Variants in CUL4B observed in about 807,000 individuals in gnomAD.
The protein encoded by CUL4B is cullin-4B.
A neutral mutation model predicts 69.2 loss-of-function variants in CUL4B; 1 was observed. The observed-to-expected ratio is 0.01, with a 90% CI of 0.01 to 0.07. The LOEUF (loss-of-function observed/expected upper bound fraction) is 0.07, where lower values mean the gene tolerates loss of function less well. Ranked by LOEUF, CUL4B falls within the 10% of genes least tolerant of loss-of-function variation. CUL4B has a pLI of 1.00. For missense variants in CUL4B, 328 were observed against 638.8 expected (o/e 0.51, Z 5.24); for synonymous variants, 237 against 223.2 (o/e 1.06, Z -0.55).
intron 18 of CUL4B, among the ~76,000 whole-genome samples, chrX:120,531,401 G>A (rs1265659250): frequency 2.8e-5 from 3 of 108,540 alleles, no homozygotes; most frequent in Non-Finnish European, 1.9e-5. Flanking sequence ...TGCTGCAGTT[G>A]GAAGTCTCTT....
chrX:120,552,877 T>C (rs1215746285), intron 2 of CUL4B, among the ~76,000 whole-genome samples: 5 of 111,739 alleles, frequency 4.5e-5, no homozygotes, highest in Non-Finnish European at 9.4e-5. Flanking sequence ...ACAACTGATA[T>C]AGCAATAAGA....
At chrX:120,563,711 AACTG>A (rs1925410485), upstream of CUL4B, among the ~76,000 whole-genome samples, 2 of 112,393 alleles carry the variant, frequency 1.8e-5, no homozygotes, top group South Asian at 7.3e-4. Flanking sequence ...AGGGAGGATT[AACTG>A]ACTCATTTTC....
At chrX:120,540,246 C>T in intron 11 of CUL4B, 124 bp downstream of exon 11, 1 of 611,456 alleles carries the variant, frequency 1.6e-6, no homozygotes, top group Non-Finnish European at 2.7e-6. Flanking sequence ...ACTTGATATA[C>T]CAGCTAAGCA....
chrX:120,544,215 A>C lies in CUL4B; in HGVS notation c.1084-12T>G. 9.0e-7 allele frequency: 1 copy of C among 1,109,675 alleles called. No individual in the cohort carries two copies. The highest frequency in any genetic ancestry group is 3.0e-5 in the East Asian group (1 of 33,396). 91.4% of individuals were successfully genotyped at this position (1,109,675 alleles called of 1,213,427 possible). ...GAATCTTGATAAATCTGGAGGGGGAACAAAATGAAGGAGATCATTTATTTA... is the reference window on the plus strand; with the variant it reads ...GAATCTTGATAAATCTGGAGGGGGACCAAAATGAAGGAGATCATTTATTTA... On this transcript the variant is annotated splice_polypyrimidine_tract_variant and intron_variant, in intron 6 of 19. Coordinates refer to ENST00000371322, the MANE Select transcript of CUL4B (RefSeq NM_001079872.2).
intron 16 of CUL4B, among the ~76,000 whole-genome samples, chrX:120,535,038 G>T (rs1334922731): frequency 9.0e-6 from 1 of 111,592 alleles, no homozygotes; most frequent in African/African-American, 3.3e-5. Flanking sequence ...GTCAAGAAGT[G>T]GCAGTGTTAG....
At chrX:120,549,826 C>T (rs1924579665) in intron 2 of CUL4B, among the ~76,000 whole-genome samples, 1 of 111,921 alleles carries the variant, frequency 8.9e-6, no homozygotes, top group Admixed American at 9.5e-5. Context: ...GTATTCCTCT[C>T]ATTGTATCTC....
intron 11 of CUL4B, among the ~76,000 whole-genome samples, chrX:120,539,820 T>C (rs1054440864): frequency 5.4e-5 from 6 of 112,133 alleles, no homozygotes; most frequent in Middle Eastern, 4.6e-3. Context: ...TAAAATTTGC[T>C]ACATGTTTAC....
chrX:120,534,718 T>C (rs758790484), intron 16 of CUL4B, 132 bp from the exon 17 acceptor site: 12 of 502,790 alleles, frequency 2.4e-5, no homozygotes, highest in East Asian at 3.7e-5. Flanking sequence ...GCAAAGCCAC[T>C]TGACGTGGTA....
upstream of CUL4B, among the ~76,000 whole-genome samples, chrX:120,562,905 A>G (rs1161253528): frequency 8.9e-6 from 1 of 112,082 alleles, no homozygotes; most frequent in Non-Finnish European, 1.9e-5. Flanking sequence ...CAGCAAGCAG[A>G]GCTTTTACAA....
At chrX:120,540,872 C>T in intron 10 of CUL4B, among the ~76,000 whole-genome samples, 1 of 112,069 alleles carries the variant, frequency 8.9e-6, no homozygotes, top group Middle Eastern at 4.6e-3. Context: ...AACCACTCAT[C>T]TATAATCACA....
chrX:120,555,941 C>CA (rs752944156), intron 2 of CUL4B, among the ~76,000 whole-genome samples: 3,779 of 41,750 alleles, frequency 0.091, 148 homozygotes, highest in Non-Finnish European at 0.11. Context: ...GACTCCATCT[C>CA]AAAAAAAAAA....
chrX:120,558,406 G>A (rs1398918641), intron 1 of CUL4B, among the ~76,000 whole-genome samples: 1 of 111,811 alleles, frequency 8.9e-6, no homozygotes, highest in Non-Finnish European at 1.9e-5. Context: ...TTAAAGTACT[G>A]TCTATGTGCA....
chrX:120,526,939 AC>A, intron 19 of CUL4B, 83 bp from the exon 20 acceptor site: 1 of 518,314 alleles, frequency 1.9e-6, no homozygotes. Flanking sequence ...TAAAAAGACA[AC>A]AGTTTCGGCT....
At chrX:120,563,304 G>A (rs1925395024), upstream of CUL4B, among the ~76,000 whole-genome samples, 2 of 112,076 alleles carry the variant, frequency 1.8e-5, no homozygotes, top group African/African-American at 6.5e-5. Flanking sequence ...TGTAATCTTG[G>A]CTCACTGCAA....
At chrX:120,529,123 C>G (rs1217897357) in intron 19 of CUL4B, among the ~76,000 whole-genome samples, 1 of 111,544 alleles carries the variant, frequency 9.0e-6, no homozygotes, top group African/African-American at 3.3e-5. Flanking sequence ...ATATTAACTA[C>G]AGCGATCCCC....
chrX:120,568,349 C>A (rs1204091401), downstream of CUL4B, among the ~76,000 whole-genome samples: 1 of 111,707 alleles, frequency 9.0e-6, no homozygotes, highest in Non-Finnish European at 1.9e-5. Context: ...ATCTAAGCTG[C>A]CAAAATCATA....
chrX:120,560,751 G>A lies in CUL4B; in HGVS notation c.-113C>T. 1 of 901,317 alleles carries A rather than the reference G, an allele frequency of 1.1e-6. No homozygotes were observed. The highest frequency in any genetic ancestry group is 1.4e-6 in the Non-Finnish European group (1 of 716,370). The allele number at this position is 901,317 out of a possible 1,213,427, so 74.3% of individuals were successfully genotyped here. On this transcript the variant is annotated 5_prime_UTR_variant, in exon 1 of 20. Transcript: ENST00000371322. ...GAGGGGGAAGGGAAGAAAGAAGAGA[G>A]GAGAAACACAGAGGACGAGAAGGAA...
chrX:120,558,761 A>G (rs1008511247), intron 1 of CUL4B, among the ~76,000 whole-genome samples: 1 of 111,966 alleles, frequency 8.9e-6, no homozygotes, highest in South Asian at 3.6e-4. Flanking sequence ...AGTGTGGGGA[A>G]AAAAGTTTTA....
At chrX:120,542,417 G>A (rs1448514542) in intron 9 of CUL4B, among the ~76,000 whole-genome samples, 1 of 111,163 alleles carries the variant, frequency 9.0e-6, no homozygotes, top group Non-Finnish European at 1.9e-5. Context: ...TTATTGGGGA[G>A]AAAGGTAAGG....
Sources: allele counts gnomAD v4.1 joint callset (sites outside exome capture counted in the v4.1 genomes callset), GRCh38; gene constraint gnomAD v4.1.1; transcripts MANE v1.5; gene names NCBI Gene and HGNC (gene_info 2026-07-23, HGNC 2026-07-21).